The following BARD1 variants were observed in gnomAD, a reference collection of about 807,000 sequenced individuals.
BARD1 encodes the protein BRCA1-associated RING domain protein 1.
BARD1 carries 73 observed loss-of-function variants against 77.0 expected under a neutral mutation model. The observed-to-expected ratio is 0.95, with a 90% confidence interval of 0.79 to 1.15. The LOEUF (loss-of-function observed/expected upper bound fraction) is 1.15, where lower values mean the gene tolerates loss of function less well. Ranked by LOEUF, BARD1 falls within the 50% of genes most tolerant of loss-of-function variation. The pLI is 0.00. For synonymous variants in BARD1, 384 were observed against 338.0 expected, an observed-to-expected ratio of 1.14 and a Z score of -1.49; for missense variants, 993 against 938.8, an observed-to-expected ratio of 1.06 and a Z score of -0.75.
At chr2:214,735,880 T>C (rs1692545583) in intron 9 of BARD1, among the ~76,000 whole-genome samples, 1 of 152,112 alleles carries the variant, frequency 6.6e-6, no homozygotes, top group African/African-American at 2.4e-5. Context: ...GGGTCATTAA[T>C]GCAAATTCAA....
chr2:214,757,470 T>C (rs1168418233), intron 6 of BARD1, among the ~76,000 whole-genome samples: 1 of 152,154 alleles, frequency 6.6e-6, no homozygotes, highest in Non-Finnish European at 1.5e-5. Flanking sequence ...AAATGTAGTA[T>C]GAAATACTGG....
intron 4 of BARD1, 106 bp from the exon 5 acceptor site, chr2:214,769,418 G>GT: frequency 1.1e-6 from 1 of 913,956 alleles, no homozygotes; most frequent in Non-Finnish European, 1.8e-6. Context: ...AACTTAAATC[G>GT]TTTTCTCTTA....
intron 10 of BARD1, among the ~76,000 whole-genome samples, chr2:214,729,901 G>A (rs1324841012): frequency 6.6e-6 from 1 of 152,014 alleles, no homozygotes; most frequent in Non-Finnish European, 1.5e-5. Flanking sequence ...GTATTCACGG[G>A]GCACAAAAGA....
intron 9 of BARD1, among the ~76,000 whole-genome samples, chr2:214,733,106 T>C (rs188135571): frequency 6.6e-6 from 1 of 152,312 alleles, no homozygotes; most frequent in Admixed American, 6.5e-5. Flanking sequence ...TGCAGAAACA[T>C]AAAGTGACTT....
rs540113575 is a variant in BARD1, at chr2:214,779,195, C to T, written c.1314+1365G>A. Among the ~76,000 whole-genome samples, 5 of 152,216 alleles carry T rather than the reference C, an allele frequency of 3.3e-5. No individual in the cohort carries two copies. The South Asian group carries it at 1.0e-3, about 32-fold the overall frequency. On this transcript the variant is annotated intron_variant, in intron 4 of 10. Coordinates refer to ENST00000260947, the MANE Select transcript of BARD1 (RefSeq NM_000465.4). ...CCTCACTGGTATCAGAAATAGAGTACAGTCATCCCTCAGTATCTGTGGGGG... is the reference window on the plus strand; with the variant it reads ...CCTCACTGGTATCAGAAATAGAGTATAGTCATCCCTCAGTATCTGTGGGGG...
intron 3 of BARD1, among the ~76,000 whole-genome samples, chr2:214,783,402 G>A (rs1427302191): frequency 1.3e-5 from 2 of 152,166 alleles, no homozygotes; most frequent in East Asian, 3.8e-4. Context: ...ATGACTTCAT[G>A]TCCTTTGCAG....
At chr2:214,759,384 G>T (rs1403610203) in intron 6 of BARD1, among the ~76,000 whole-genome samples, 1 of 152,060 alleles carries the variant, frequency 6.6e-6, no homozygotes, top group Non-Finnish European at 1.5e-5. Flanking sequence ...GCTTCACACT[G>T]GGATGTACAG....
At chr2:214,729,472 T>C (rs1177252885) in intron 10 of BARD1, among the ~76,000 whole-genome samples, 2 of 152,186 alleles carry the variant, frequency 1.3e-5, no homozygotes, top group African/African-American at 2.4e-5. Context: ...AGCTACTTAA[T>C]GAGGTGCTGG....
intron 4 of BARD1, among the ~76,000 whole-genome samples, chr2:214,775,338 C>T (rs1249633805): frequency 6.6e-6 from 1 of 152,098 alleles, no homozygotes; most frequent in Non-Finnish European, 1.5e-5. Flanking sequence ...ATTCAATATT[C>T]TTGTGTCCCA....
intron 3 of BARD1, among the ~76,000 whole-genome samples, chr2:214,791,771 G>C (rs1345101349): frequency 6.6e-6 from 1 of 152,160 alleles, no homozygotes; most frequent in African/African-American, 2.4e-5. Flanking sequence ...TGAGTTAAGT[G>C]CTATTAAGGC....
chr2:214,804,386 T>A (rs927785785), intron 1 of BARD1, among the ~76,000 whole-genome samples: 3 of 152,232 alleles, frequency 2.0e-5, no homozygotes, highest in African/African-American at 7.2e-5. Context: ...GTGTCTGGCA[T>A]TGTGGCTACA....
chr2:214,773,096 T>G (rs1222174205), intron 4 of BARD1, among the ~76,000 whole-genome samples: 1 of 152,222 alleles, frequency 6.6e-6, no homozygotes, highest in African/African-American at 2.4e-5. Context: ...ATTCCTAATC[T>G]TTCAATCAAA....
At chr2:214,755,266 T>G (rs899326556) in intron 6 of BARD1, among the ~76,000 whole-genome samples, 2 of 152,202 alleles carry the variant, frequency 1.3e-5, no homozygotes, top group African/African-American at 2.4e-5. Flanking sequence ...AGACTCTTTT[T>G]TAGATTTACT....
intron 10 of BARD1, chr2:214,730,203 C>T (rs562357042): frequency 8.5e-5 from 49 of 573,898 alleles, no homozygotes; most frequent in African/African-American, 8.4e-4. Flanking sequence ...GTTCAAGATG[C>T]CAAAAATCCA....
chr2:214,794,778 C>T (rs1349606831), intron 2 of BARD1, among the ~76,000 whole-genome samples: 2 of 152,140 alleles, frequency 1.3e-5, no homozygotes, highest in African/African-American at 2.4e-5. Context: ...AACCTCATTG[C>T]TGAGCAGTTT....
intron 7 of BARD1, among the ~76,000 whole-genome samples, chr2:214,751,138 TATATATATATATA>T (rs1318257936): frequency 7.3e-4 from 32 of 44,134 alleles, no homozygotes; most frequent in East Asian, 1.2e-3. Context: ...TATATATATA[TATATATATATATA>T]TTTTTTTTTT....
intron 1 of BARD1, among the ~76,000 whole-genome samples, chr2:214,801,410 G>A (rs536806471): frequency 8.5e-5 from 13 of 152,050 alleles, no homozygotes; most frequent in East Asian, 5.8e-4. Context: ...CTTATCTGTC[G>A]TTCATTTAAC....
intron 7 of BARD1, among the ~76,000 whole-genome samples, chr2:214,747,622 C>T (rs893403701): frequency 1.4e-5 from 2 of 146,540 alleles, no homozygotes; most frequent in African/African-American, 2.5e-5. Flanking sequence ...AACCAAACAC[C>T]GCATGTTCTC....
intron 6 of BARD1, among the ~76,000 whole-genome samples, chr2:214,764,030 T>C (rs1293828193): frequency 1.3e-5 from 2 of 152,192 alleles, no homozygotes; most frequent in Admixed American, 1.3e-4. Flanking sequence ...ATGCCATGGA[T>C]GCCAATTGGG....
Sources: allele counts gnomAD v4.1 joint callset (sites outside exome capture counted in the v4.1 genomes callset), GRCh38; gene constraint gnomAD v4.1.1; transcripts MANE v1.5; gene names NCBI Gene and HGNC (gene_info 2026-07-23, HGNC 2026-07-21).